Variants in RORA observed in about 807,000 individuals in gnomAD.
The protein encoded by RORA is nuclear receptor ROR-alpha.
A neutral mutation model predicts 69.5 loss-of-function variants in RORA; 7 were observed. That is an observed-to-expected ratio of 0.10 (90% CI 0.06 to 0.19). The LOEUF (loss-of-function observed/expected upper bound fraction) is 0.19, where lower values mean the gene tolerates loss of function less well. Ranked by LOEUF, RORA falls within the 10% of genes least tolerant of loss-of-function variation. The pLI is 1.00. For missense variants in RORA, 457 were observed against 663.0 expected, an observed-to-expected ratio of 0.69 and a Z score of 3.41; for synonymous variants, 261 against 240.8, an observed-to-expected ratio of 1.08 and a Z score of -0.78.
At chr15:60,707,152 C>A (rs2071074306) in intron 1 of RORA, among the ~76,000 whole-genome samples, 1 of 152,068 alleles carries the variant, frequency 6.6e-6, no homozygotes, top group Non-Finnish European at 1.5e-5. Flanking sequence ...TGGTTTGCCA[C>A]TAGACAGGTG....
At chr15:60,837,629 G>C (rs1595755653) in intron 1 of RORA, among the ~76,000 whole-genome samples, 2 of 152,126 alleles carry the variant, frequency 1.3e-5, no homozygotes, top group East Asian at 3.9e-4. Context: ...TCATGTCTCA[G>C]GCTGGCCTGT....
intron 1 of RORA, among the ~76,000 whole-genome samples, chr15:60,932,543 G>A (rs1237268301): frequency 6.6e-6 from 1 of 152,150 alleles, no homozygotes; most frequent in African/African-American, 2.4e-5. Context: ...AATAATTTCT[G>A]TGCAACAGCT....
chr15:61,187,592 G>A (rs574521329), intron 1 of RORA, among the ~76,000 whole-genome samples: 4 of 152,166 alleles, frequency 2.6e-5, no homozygotes, highest in South Asian at 2.1e-4. Context: ...AGGGAACAGC[G>A]CAGGGCTACT....
chr15:60,569,111 A>T (rs901344211), intron 2 of RORA, among the ~76,000 whole-genome samples: 2 of 152,130 alleles, frequency 1.3e-5, no homozygotes, highest in African/African-American at 2.4e-5. Context: ...TTATATATAG[A>T]AAATTGGTTG....
At chr15:61,146,095 G>A (rs1165749581) in intron 1 of RORA, among the ~76,000 whole-genome samples, 1 of 152,078 alleles carries the variant, frequency 6.6e-6, no homozygotes, top group Non-Finnish European at 1.5e-5. Context: ...TGAGCCAATG[G>A]CAGAAATCCT....
intron 1 of RORA, 110 bp from the exon 2 acceptor site, chr15:60,678,796 T>A: frequency 2.3e-6 from 2 of 884,906 alleles, no homozygotes; most frequent in Non-Finnish European, 3.7e-6. Context: ...GATGGGGAAG[T>A]GGAAGCAAGA....
rs1160337696 is a variant in RORA, at chr15:60,997,392, CGA to C, written c.166+231659_166+231660del. Among the ~76,000 whole-genome samples, 12 of 152,112 alleles carry C rather than the reference CGA, an allele frequency of 7.9e-5. No individual in the cohort carries two copies. The South Asian group carries it at 1.0e-3, about 13-fold the overall frequency. On this transcript the variant is annotated intron_variant, in intron 1 of 10. Transcript: ENST00000335670. Reference sequence around the variant, plus strand: ...TGTCTCGTGCCAAACATGAATCTTCCGAGAGTCAAGTCTGTTCTCCTTCCAGT... The same window carrying C: ...TGTCTCGTGCCAAACATGAATCTTCCGAGTCAAGTCTGTTCTCCTTCCAGT...
intron 1 of RORA, among the ~76,000 whole-genome samples, chr15:60,755,562 C>G (rs140751303): frequency 6.6e-6 from 1 of 152,044 alleles, no homozygotes; most frequent in African/African-American, 2.4e-5. Flanking sequence ...ATCGCCACAC[C>G]GACTTTCACA....
At chr15:60,932,795 ATG>A (rs1892413581) in intron 1 of RORA, among the ~76,000 whole-genome samples, 1 of 152,168 alleles carries the variant, frequency 6.6e-6, no homozygotes, top group Non-Finnish European at 1.5e-5. Flanking sequence ...CTTGGCTGGC[ATG>A]TGACACTGAG....
At chr15:60,577,229 A>G (rs985070618) in intron 2 of RORA, among the ~76,000 whole-genome samples, 4 of 152,244 alleles carry the variant, frequency 2.6e-5, no homozygotes, top group African/African-American at 9.6e-5. Context: ...GTCTGAATTT[A>G]AAGCCCCTTC....
chr15:61,200,267 G>A (rs144536156), intron 1 of RORA, among the ~76,000 whole-genome samples: 9 of 152,306 alleles, frequency 5.9e-5, no homozygotes, highest in South Asian at 4.2e-4. Context: ...GGGGCTTCAC[G>A]AGTAGGGACG....
chr15:61,074,428 A>C (rs1224138922), intron 1 of RORA, among the ~76,000 whole-genome samples: 5 of 152,218 alleles, frequency 3.3e-5, no homozygotes, highest in Non-Finnish European at 7.3e-5. Flanking sequence ...TCAGTGATAC[A>C]GACACAGACA....
intron 1 of RORA, among the ~76,000 whole-genome samples, chr15:60,984,444 T>A (rs1230418014): frequency 1.3e-5 from 2 of 150,932 alleles, no homozygotes; most frequent in Non-Finnish European, 2.9e-5. Context: ...ATAATAATAG[T>A]TATTATTATA....
intron 1 of RORA, among the ~76,000 whole-genome samples, chr15:61,200,266 C>T (rs990121977): frequency 2.6e-5 from 4 of 152,106 alleles, no homozygotes; most frequent in Non-Finnish European, 4.4e-5. Context: ...TGGGGCTTCA[C>T]GAGTAGGGAC....
intron 2 of RORA, among the ~76,000 whole-genome samples, chr15:60,585,021 T>A (rs1373318283): frequency 6.6e-6 from 1 of 152,216 alleles, no homozygotes; most frequent in African/African-American, 2.4e-5. Flanking sequence ...GTAAGCACTA[T>A]TATCCTTTAC....
chr15:60,603,808 G>A (rs117356804), intron 2 of RORA, among the ~76,000 whole-genome samples: 1 of 152,226 alleles, frequency 6.6e-6, no homozygotes, highest in Non-Finnish European at 1.5e-5. Context: ...CTGTGCTTGG[G>A]GATCATTTTA....
chr15:60,525,943 A>T (rs940509818), intron 3 of RORA, among the ~76,000 whole-genome samples: 2 of 152,148 alleles, frequency 1.3e-5, no homozygotes, highest in Non-Finnish European at 2.9e-5. Flanking sequence ...GAAAAAGAGG[A>T]TAACTTCATT....
intron 2 of RORA, among the ~76,000 whole-genome samples, chr15:60,647,325 T>C (rs980613638): frequency 5.9e-5 from 9 of 152,126 alleles, no homozygotes; most frequent in African/African-American, 1.9e-4. Flanking sequence ...CCCCATGGGG[T>C]AGTTCCCTGA....
At chr15:61,121,180 A>G (rs372032467) in intron 1 of RORA, among the ~76,000 whole-genome samples, 86 of 151,680 alleles carry the variant, frequency 5.7e-4, no homozygotes, top group Middle Eastern at 3.4e-3. Context: ...CCTTACCACC[A>G]CTCCATAACG....
Sources: allele counts gnomAD v4.1 joint callset (sites outside exome capture counted in the v4.1 genomes callset), GRCh38; gene constraint gnomAD v4.1.1; transcripts MANE v1.5; gene names NCBI Gene and HGNC (gene_info 2026-07-23, HGNC 2026-07-21).